The following CHL1 variants were observed in gnomAD, a reference collection of about 807,000 sequenced individuals.
CHL1 encodes the protein neural cell adhesion molecule L1-like protein.
Under a neutral mutation model 141.9 loss-of-function variants are expected in CHL1, and 96 were observed. The observed-to-expected ratio is 0.68, with a 90% CI of 0.57 to 0.80. The LOEUF is 0.80. CHL1 is among the 30% of genes least tolerant of loss of function. The pLI is 0.00. For synonymous variants in CHL1, 613 were observed against 502.2 expected (o/e 1.22, Z -2.95); for missense variants, 1,820 against 1,457.2 (o/e 1.25, Z -4.05).
chr3:337,327 ACCACAGGCGCCCG>A (rs1286894251), intron 5 of CHL1, among the ~76,000 whole-genome samples: 1 of 149,912 alleles, frequency 6.7e-6, no homozygotes, highest in Non-Finnish European at 1.5e-5. Context: ...AGTAGCTGGG[ACCACAGGCGCCCG>A]CCACCACGCC....
intron 1 of CHL1, among the ~76,000 whole-genome samples, chr3:229,780 G>A (rs1701695166): frequency 6.6e-6 from 1 of 152,048 alleles, no homozygotes; most frequent in South Asian, 2.1e-4. Context: ...ACAAAATGTT[G>A]ACTGTGCACA....
chr3:313,772 A>T (rs956907120), intron 2 of CHL1, among the ~76,000 whole-genome samples: 1 of 152,172 alleles, frequency 6.6e-6, no homozygotes, highest in African/African-American at 2.4e-5. Context: ...AACAGTCTCC[A>T]GTGGAAACAT....
At chr3:353,333 T>C (rs1384212106) in intron 10 of CHL1, among the ~76,000 whole-genome samples, 1 of 152,192 alleles carries the variant, frequency 6.6e-6, no homozygotes, top group African/African-American at 2.4e-5. Flanking sequence ...TAGTTTTATA[T>C]TGGTTGTATT....
chr3:241,512 C>A (rs1035177397), intron 1 of CHL1, among the ~76,000 whole-genome samples: 2 of 152,110 alleles, frequency 1.3e-5, no homozygotes, highest in Non-Finnish European at 2.9e-5. Context: ...TGAGTGTACC[C>A]TCATAACCCA....
At chr3:268,572 TA>T (rs1236671508) in intron 2 of CHL1, among the ~76,000 whole-genome samples, 1 of 151,684 alleles carries the variant, frequency 6.6e-6, no homozygotes, top group Admixed American at 6.6e-5. Flanking sequence ...TAAAATAAAA[TA>T]AAATAATGAC....
chr3:271,937 C>G (rs964971055), intron 2 of CHL1, among the ~76,000 whole-genome samples: 1 of 152,118 alleles, frequency 6.6e-6, no homozygotes, highest in Non-Finnish European at 1.5e-5. Flanking sequence ...AGTCATATCT[C>G]TAGCTATTAA....
At chr3:331,432 G>C (rs886844459) in intron 5 of CHL1, among the ~76,000 whole-genome samples, 1 of 151,896 alleles carries the variant, frequency 6.6e-6, no homozygotes, top group Non-Finnish European at 1.5e-5. Flanking sequence ...TGTAGAGATG[G>C]GGTCTCACTA....
Position 319,800 on chromosome 3 carries a change from A to C in CHL1, c.24A>C (p.Arg8Ser). 6.2e-7 allele frequency: 1 copy of C among 1,607,332 alleles called. No individual in the cohort carries two copies. The highest frequency in any genetic ancestry group is 1.1e-5 in the South Asian group (1 of 90,700). MEPLLLGRGLIVYLMFLL... is the reference protein window; with the variant it reads MEPLLLGSGLIVYLMFLL... ...CAATGGAGCCGCTTTTACTTGGAAG[A>C]GGACTAATCGTATATCTAATGTTCC... The change falls in exon 3 of 28, where the codon AGA (arginine) becomes AGC (serine). Residue 8 changes from arginine to serine, a missense_variant. Arg to Ser is a moderately radical substitution (Grantham distance 110). Transcript: ENST00000256509.
At chr3:322,423 C>G (rs1421532657) in intron 3 of CHL1, among the ~76,000 whole-genome samples, 1 of 151,594 alleles carries the variant, frequency 6.6e-6, no homozygotes, top group Non-Finnish European at 1.5e-5. Flanking sequence ...AGGGACACAT[C>G]CAGATGGTCT....
At chr3:387,613 A>G (rs1459840406) in intron 19 of CHL1, among the ~76,000 whole-genome samples, 1 of 152,218 alleles carries the variant, frequency 6.6e-6, no homozygotes, top group Non-Finnish European at 1.5e-5. Context: ...TGTAAAATGA[A>G]TAATATTATT....
chr3:402,147 G>C (rs978204283), intron 27 of CHL1, among the ~76,000 whole-genome samples: 1 of 152,182 alleles, frequency 6.6e-6, no homozygotes, highest in South Asian at 2.1e-4. Context: ...ATATGCAAAT[G>C]ACTGTAATGA....
At chr3:262,524 C>T (rs1351153076) in intron 2 of CHL1, among the ~76,000 whole-genome samples, 12 of 133,152 alleles carry the variant, frequency 9.0e-5, no homozygotes, top group African/African-American at 4.3e-4. Flanking sequence ...TAGATCTACA[C>T]AGTACTTACA....
chr3:387,051 T>G (rs1330399552), intron 19 of CHL1, among the ~76,000 whole-genome samples: 1 of 152,206 alleles, frequency 6.6e-6, no homozygotes, highest in Non-Finnish European at 1.5e-5. Flanking sequence ...GTTCAACAAT[T>G]TTTTAAAAAA....
chr3:381,601 G>A (rs1707049307), intron 16 of CHL1, among the ~76,000 whole-genome samples: 2 of 152,196 alleles, frequency 1.3e-5, no homozygotes, highest in South Asian at 4.1e-4. Context: ...GTTGGGGCAT[G>A]GCTTACAGGT....
chr3:402,300 A>G (rs967212797), intron 27 of CHL1, among the ~76,000 whole-genome samples: 2 of 152,220 alleles, frequency 1.3e-5, no homozygotes, highest in African/African-American at 4.8e-5. Context: ...ACAGAGGATG[A>G]CCAAATGAGT....
At chr3:282,211 A>G (rs1696725349) in intron 2 of CHL1, among the ~76,000 whole-genome samples, 1 of 152,198 alleles carries the variant, frequency 6.6e-6, no homozygotes, top group Non-Finnish European at 1.5e-5. Flanking sequence ...AATAATCTAG[A>G]TCAGATAAAA....
At chr3:206,038 T>A (rs1365017285) in intron 1 of CHL1, among the ~76,000 whole-genome samples, 1 of 152,202 alleles carries the variant, frequency 6.6e-6, no homozygotes, top group Non-Finnish European at 1.5e-5. Context: ...GGACTAACAC[T>A]CTTTCCTGTT....
rs1441619543 is a variant in CHL1, at chr3:311,996, T to C, written c.-94-7687T>C. Among the ~76,000 whole-genome samples the C allele has an allele frequency of 2.0e-5, 3 of 152,186 alleles. No individual in the cohort carries two copies. The East Asian group carries it at 5.8e-4, about 29-fold the overall frequency. On this transcript the variant is annotated intron_variant, in intron 2 of 27. Transcript: ENST00000256509. ...CAATTTGAATTAGATGTCATTACAG[T>C]ATACTATTTTTTAAGAATCTTACAT...
At chr3:289,137 GTT>G (rs1376003847) in intron 2 of CHL1, among the ~76,000 whole-genome samples, 1 of 151,986 alleles carries the variant, frequency 6.6e-6, no homozygotes, top group Non-Finnish European at 1.5e-5. Context: ...TAATTTCTTA[GTT>G]TTACTCCTTT....
Sources: allele counts gnomAD v4.1 joint callset (sites outside exome capture counted in the v4.1 genomes callset), GRCh38; gene constraint gnomAD v4.1.1; transcripts MANE v1.5; gene names NCBI Gene and HGNC (gene_info 2026-07-23, HGNC 2026-07-21).